Variants in ACTR3 observed in about 807,000 individuals in gnomAD.
ACTR3 encodes actin-related protein 3.
A neutral mutation model predicts 56.8 loss-of-function variants in ACTR3; 12 were observed. The ratio of observed to expected loss-of-function variants is 0.21; its 90% CI spans 0.14 to 0.34. ACTR3 has a LOEUF of 0.34. ACTR3 is among the 10% of genes least tolerant of loss of function. ACTR3 has a pLI of 1.00. For synonymous variants in ACTR3, 162 were observed against 167.4 expected, an observed-to-expected ratio of 0.97 and a Z score of 0.25; for missense variants, 282 against 512.5, an observed-to-expected ratio of 0.55 and a Z score of 4.34.
At chr2:113,940,244 C>A in intron 7 of ACTR3, 142 bp downstream of exon 7, 1 of 631,740 alleles carries the variant, frequency 1.6e-6, no homozygotes, top group South Asian at 3.6e-5. Flanking sequence ...AATATATTTA[C>A]ATTTTCTTTG....
intron 3 of ACTR3, among the ~76,000 whole-genome samples, chr2:113,917,609 C>T (rs1450096756): frequency 6.6e-6 from 1 of 152,194 alleles, no homozygotes; most frequent in Non-Finnish European, 1.5e-5. Context: ...AAATGCTATT[C>T]TGACCTTTAT....
At chr2:113,937,419 C>G (rs1679849114) in intron 6 of ACTR3, among the ~76,000 whole-genome samples, 1 of 152,058 alleles carries the variant, frequency 6.6e-6, no homozygotes, top group Non-Finnish European at 1.5e-5. Flanking sequence ...AAATTGAGTT[C>G]TTTTATTCAC....
intron 1 of ACTR3, among the ~76,000 whole-genome samples, chr2:113,897,939 CT>C (rs1679040020): frequency 6.6e-6 from 1 of 152,054 alleles, no homozygotes; most frequent in Non-Finnish European, 1.5e-5. Flanking sequence ...TGCTTTAAGA[CT>C]TTGTGTCATT....
rs1354577910 is a variant in ACTR3 at position 113,955,700 on chromosome 2, T to G, written c.1155T>G (p.Ala385=). The change falls in exon 11 of 12, where the codon GCT becomes GCG. Residue 385 remains alanine (A), a synonymous_variant. Transcript: ENST00000263238. ...TTTGGTTTGGAGGATCAATGCTGGC[T>G]TCCACGGTGAGTGTGATGAAGCTTA... ...YAVWFGGSML[A]STPEFYQVCH... 2 of 1,608,918 alleles carry G rather than the reference T, an allele frequency of 1.2e-6. No individual in the cohort carries two copies. Among genetic ancestry groups the G allele is most frequent in the African/African-American group, 2.7e-5 (2 of 74,792 alleles).
intron 3 of ACTR3, among the ~76,000 whole-genome samples, chr2:113,918,243 A>G (rs1026272302): frequency 6.6e-6 from 1 of 152,188 alleles, no homozygotes; most frequent in Non-Finnish European, 1.5e-5. Context: ...AAATATTGGA[A>G]TCTGCCTGTT....
rs778149394 is a variant in ACTR3 at position 113,942,254 on chromosome 2, A to G, written c.753A>G (p.Lys251=). ...ACAAGTATGATACAGATGGGTCAAA[A>G]TGGATTAAACAGTATACTGGAATCA... ...EFNKYDTDGS[K]WIKQYTGINA... The change falls in exon 8 of 12, where the codon AAA becomes AAG. Residue 251 remains lysine (K), a synonymous_variant. Coordinates refer to ENST00000263238, the MANE Select transcript of ACTR3 (RefSeq NM_005721.5). The G allele has an allele frequency of 3.1e-6, 5 of 1,606,670 alleles. No homozygotes were observed. Among genetic ancestry groups the G allele is most frequent in the Non-Finnish European group, 4.2e-6 (5 of 1,177,238 alleles).
intron 1 of ACTR3, among the ~76,000 whole-genome samples, chr2:113,903,340 T>TTGGGAAAATTTTTA (rs1398585754): frequency 9.9e-5 from 15 of 152,140 alleles, no homozygotes; most frequent in Middle Eastern, 3.2e-3. Flanking sequence ...TTTCACTAAA[T>TTGGGAAAATTTTTA]TGGGAAAATT....
intron 5 of ACTR3, among the ~76,000 whole-genome samples, chr2:113,932,322 T>A (rs1679739069): frequency 6.6e-6 from 1 of 152,226 alleles, no homozygotes; most frequent in South Asian, 2.1e-4. Flanking sequence ...TGGGAGGCCC[T>A]TTTTTAGTTC....
chr2:113,914,276 A>G (rs1426045598), intron 2 of ACTR3, among the ~76,000 whole-genome samples: 1 of 152,172 alleles, frequency 6.6e-6, no homozygotes, highest in African/African-American at 2.4e-5. Flanking sequence ...CTGTTTTGTC[A>G]TTTGTGTAGT....
At chr2:113,953,579 T>G (rs1680157951) in intron 10 of ACTR3, 1 of 152,176 alleles carries the variant, frequency 6.6e-6, no homozygotes, top group African/African-American at 2.4e-5. Context: ...ATAGCATGCC[T>G]TTATCTATCT....
At chr2:113,948,020 C>T (rs1669067884) in intron 8 of ACTR3, among the ~76,000 whole-genome samples, 1 of 152,018 alleles carries the variant, frequency 6.6e-6, no homozygotes. Context: ...ACTAGGGGTG[C>T]CCTGCATGTT....
At chr2:113,909,086 A>G (rs1281144052) in intron 1 of ACTR3, among the ~76,000 whole-genome samples, 2 of 152,318 alleles carry the variant, frequency 1.3e-5, no homozygotes, top group East Asian at 3.9e-4. Flanking sequence ...TGGGATATTT[A>G]AAATTTAAAT....
chr2:113,945,218 A>G (rs1679993883), intron 8 of ACTR3, among the ~76,000 whole-genome samples: 1 of 152,200 alleles, frequency 6.6e-6, no homozygotes, highest in Non-Finnish European at 1.5e-5. Flanking sequence ...AAGAGGATGT[A>G]TACACACAAT....
At chr2:113,942,146 A>G in intron 7 of ACTR3, 40 bp from the exon 8 acceptor site, 5 of 1,511,334 alleles carry the variant, frequency 3.3e-6, no homozygotes, top group Non-Finnish European at 4.4e-6. Context: ...CTGTTCCTAT[A>G]ATAAGCAAAA....
chr2:113,939,521 C>T (rs1679887698), intron 6 of ACTR3, among the ~76,000 whole-genome samples: 1 of 152,072 alleles, frequency 6.6e-6, no homozygotes, highest in African/African-American at 2.4e-5. Flanking sequence ...AGTTATTTGG[C>T]ATTATGATGG....
At chr2:113,934,120 A>G in intron 5 of ACTR3, 159 bp from the exon 6 acceptor site, 1 of 576,938 alleles carries the variant, frequency 1.7e-6, no homozygotes, top group Non-Finnish European at 3.0e-6. Flanking sequence ...ATTTTATTGC[A>G]TAATACAAAA....
chr2:113,946,466 C>T (rs574992949), intron 8 of ACTR3, among the ~76,000 whole-genome samples: 11 of 151,990 alleles, frequency 7.2e-5, no homozygotes, highest in African/African-American at 1.7e-4. Context: ...TGATCAGTGA[C>T]GTTGAGCTTT....
At chr2:113,929,979 C>T (rs939207062) in intron 4 of ACTR3, among the ~76,000 whole-genome samples, 2 of 152,092 alleles carry the variant, frequency 1.3e-5, no homozygotes, top group African/African-American at 2.4e-5. Flanking sequence ...GCGCTGCTAG[C>T]TTGTCAGTCT....
chr2:113,946,293 CT>C (rs892082616), intron 8 of ACTR3, among the ~76,000 whole-genome samples: 16 of 150,912 alleles, frequency 1.1e-4, no homozygotes, highest in African/African-American at 3.6e-4. Flanking sequence ...TTGCCAGCAC[CT>C]TTTTTTTTCT....
Sources: gnomAD v4.1 joint callset for allele counts (sites outside exome capture counted in the v4.1 genomes callset) on GRCh38, gnomAD v4.1.1 for gene constraint, MANE v1.5 for transcripts, NCBI Gene and HGNC (gene_info 2026-07-23, HGNC 2026-07-21) for gene names.